Variants in AP1G1 observed in about 807,000 individuals in gnomAD.
AP1G1 encodes adaptor related protein complex 1 subunit gamma 1, also known as AP-1 complex subunit gamma-1.
Under a neutral mutation model 108.3 loss-of-function variants are expected in AP1G1, and 7 were observed. The observed-to-expected ratio is 0.06, with a 90% CI of 0.04 to 0.12. The LOEUF (loss-of-function observed/expected upper bound fraction) is 0.12. AP1G1 is among the 10% of genes least tolerant of loss of function. The probability of loss-of-function intolerance (pLI) is 1.00; values close to 1 mark genes in which losing one functional copy is unlikely to be tolerated. For synonymous variants in AP1G1, 379 were observed against 353.5 expected, an observed-to-expected ratio of 1.07 and a Z score of -0.81; for missense variants, 756 against 1,010.7, an observed-to-expected ratio of 0.75 and a Z score of 3.42.
intron 6 of AP1G1, among the ~76,000 whole-genome samples, chr16:71,768,236 G>A (rs767545667): frequency 5.5e-5 from 8 of 145,424 alleles, no homozygotes; most frequent in South Asian, 2.2e-4. Flanking sequence ...GGTAGCTCAC[G>A]CCTGTAATCC....
intron 11 of AP1G1, chr16:71,758,565 C>T (rs2030924311): frequency 1.7e-6 from 1 of 604,128 alleles, no homozygotes; most frequent in African/African-American, 1.8e-5. Context: ...CCAAGGACAA[C>T]TTCAGTGTGC....
rs1375686867 is a variant in AP1G1 at position 71,808,493 on chromosome 16, G to A, written c.-4+270C>T. ...CAGCCTGAGAAAGTCAAGGGTTCAA[G>A]GAGGCCCGTACCGGCGGGGCAACGC... On this transcript the variant is annotated intron_variant, in intron 1 of 22. Coordinates refer to ENST00000299980, the MANE Select transcript of AP1G1 (RefSeq NM_001128.6). 10 of 1,264,672 alleles carry A rather than the reference G, an allele frequency of 7.9e-6. No homozygotes were observed. The East Asian group carries it at 5.1e-4, about 65-fold the overall frequency. 78.3% of individuals were successfully genotyped at this position (1,264,672 alleles called of 1,614,324 possible).
At chr16:71,736,117 A>ATAT (rs1425959097) in intron 21 of AP1G1, among the ~76,000 whole-genome samples, 15 of 71,636 alleles carry the variant, frequency 2.1e-4, no homozygotes, top group African/African-American at 5.0e-4. Flanking sequence ...AAAAAAAAAA[A>ATAT]ATATATATAT....
chr16:71,766,174 C>T (rs570233159), intron 6 of AP1G1, among the ~76,000 whole-genome samples: 1 of 152,214 alleles, frequency 6.6e-6, no homozygotes, highest in African/African-American at 2.4e-5. Flanking sequence ...GAAAAAATTA[C>T]ATCTTTCATC....
At chr16:71,799,519 G>A (rs1192009125) in intron 1 of AP1G1, among the ~76,000 whole-genome samples, 2 of 152,192 alleles carry the variant, frequency 1.3e-5, no homozygotes, top group Non-Finnish European at 2.9e-5. Flanking sequence ...TGTAATCTCA[G>A]CACTTTGGGA....
chr16:71,759,739 G>A (rs1003301382), intron 10 of AP1G1, among the ~76,000 whole-genome samples: 9 of 150,616 alleles, frequency 6.0e-5, no homozygotes, highest in Non-Finnish European at 8.8e-5. Context: ...CAGCCTAGGC[G>A]ACAGAGCGAG....
intron 2 of AP1G1, among the ~76,000 whole-genome samples, chr16:71,780,473 A>C (rs2031971874): frequency 6.7e-6 from 1 of 149,642 alleles, no homozygotes; most frequent in South Asian, 2.2e-4. Context: ...CCTGAGTGAC[A>C]GAGTAAGATC....
intron 2 of AP1G1, among the ~76,000 whole-genome samples, chr16:71,781,427 C>T (rs1168436339): frequency 6.6e-6 from 1 of 152,194 alleles, no homozygotes; most frequent in Non-Finnish European, 1.5e-5. Context: ...ACATTTCACC[C>T]TATTTATTTT....
At chr16:71,761,436 T>G in intron 10 of AP1G1, 76 bp downstream of exon 10, 1 of 1,041,248 alleles carries the variant, frequency 9.6e-7, no homozygotes, top group South Asian at 1.3e-5. Flanking sequence ...AATACATGTA[T>G]GATCTTGAGC....
At chr16:71,794,835 C>CTTTTCTT (rs2032522793) in intron 1 of AP1G1, among the ~76,000 whole-genome samples, 2 of 39,632 alleles carry the variant, frequency 5.0e-5, no homozygotes, top group African/African-American at 2.1e-4. Flanking sequence ...ATGAGAAGTG[C>CTTTTCTT]TTTTTTTTTT....
rs771296203 is a variant in AP1G1, at chr16:71,789,462, T to C, written c.18A>G (p.Arg6=). MPAPI[R]LRELIRTIRT... Reference sequence around the variant, plus strand: ...GGATGGTCCGGATCAGCTCCCGCAATCTGATGGGGGCTGGCATCCTCTGGA... The same window carrying C: ...GGATGGTCCGGATCAGCTCCCGCAACCTGATGGGGGCTGGCATCCTCTGGA... The change falls in exon 2 of 23, where the codon AGA becomes AGG. Residue 6 remains arginine, a synonymous_variant. Transcript: ENST00000299980. 5.0e-6 allele frequency: 8 copies of C among 1,614,042 alleles called. No homozygotes were observed. In the Admixed American group the frequency reaches 1.3e-4, roughly 27 times the overall value.
At chr16:71,793,538 T>C (rs539550693) in intron 1 of AP1G1, among the ~76,000 whole-genome samples, 1 of 151,920 alleles carries the variant, frequency 6.6e-6, no homozygotes, top group Non-Finnish European at 1.5e-5. Flanking sequence ...AACAAACAAA[T>C]AAATAAAAAC....
intron 19 of AP1G1, among the ~76,000 whole-genome samples, chr16:71,741,478 G>A (rs1020330737): frequency 6.6e-6 from 1 of 152,176 alleles, no homozygotes; most frequent in Non-Finnish European, 1.5e-5. Context: ...AGCCACTCGG[G>A]AGGCTGAGGC....
At chr16:71,745,102 T>C in intron 19 of AP1G1, 42 bp downstream of exon 19, 1 of 1,607,124 alleles carries the variant, frequency 6.2e-7, no homozygotes, top group Non-Finnish European at 8.5e-7. Flanking sequence ...CCCTGAGGCC[T>C]CTATCTTTTC....
At chr16:71,792,113 T>C (rs112320601) in intron 1 of AP1G1, among the ~76,000 whole-genome samples, 14 of 152,168 alleles carry the variant, frequency 9.2e-5, no homozygotes, top group Non-Finnish European at 1.3e-4. Context: ...ACCTCAAAAA[T>C]GAAGTCATTT....
chr16:71,799,874 T>C (rs796133834), intron 1 of AP1G1, among the ~76,000 whole-genome samples: 13 of 147,496 alleles, frequency 8.8e-5, no homozygotes, highest in African/African-American at 3.3e-4. Context: ...ACTCCAGCCT[T>C]CGTGACAGAG....
chr16:71,776,581 A>G (rs181517639), intron 2 of AP1G1, among the ~76,000 whole-genome samples: 15 of 152,346 alleles, frequency 9.8e-5, no homozygotes, highest in Admixed American at 2.6e-4. Context: ...TCATAATTCT[A>G]TAAGTATTTT....
intron 6 of AP1G1, among the ~76,000 whole-genome samples, chr16:71,766,053 T>G (rs185374357): frequency 6.6e-6 from 1 of 151,944 alleles, no homozygotes; most frequent in South Asian, 2.1e-4. Flanking sequence ...CAACCTCAAA[T>G]AGAGAAAAAA....
chr16:71,772,957 C>A (rs1175861052), intron 4 of AP1G1: 4 of 507,534 alleles, frequency 7.9e-6, no homozygotes, highest in Non-Finnish European at 1.1e-5. Context: ...TGTTCATAAT[C>A]ACCTTGCTGT....
Sources: gnomAD v4.1 joint callset for allele counts (sites outside exome capture counted in the v4.1 genomes callset) on GRCh38, gnomAD v4.1.1 for gene constraint, MANE v1.5 for transcripts, NCBI Gene and HGNC (gene_info 2026-07-23, HGNC 2026-07-21) for gene names.